The following STK10 variants were observed in gnomAD, a reference collection of about 807,000 sequenced individuals.
STK10 encodes the protein serine/threonine kinase 10.
Under a neutral mutation model 113.8 loss-of-function variants are expected in STK10, and 78 were observed. The ratio of observed to expected loss-of-function variants is 0.69; its 90% confidence interval spans 0.57 to 0.83. The LOEUF (loss-of-function observed/expected upper bound fraction) is 0.83, where lower values mean the gene tolerates loss of function less well. STK10 is among the 40% of genes least tolerant of loss of function. The pLI, the probability that STK10 is intolerant of heterozygous loss-of-function variation, is 0.00. For missense variants in STK10, 1,109 were observed against 1,280.1 expected (o/e 0.87, Z 2.04); for synonymous variants, 465 against 494.7 (o/e 0.94, Z 0.80).
rs905707824 is a variant in STK10, at chr5:172,044,492, A to T, written c.*390T>A. 4.7e-6 allele frequency: 1 copy of T among 210,816 alleles called. No individual in the cohort carries two copies. Among genetic ancestry groups the T allele is most frequent in the Admixed American group, 5.3e-5 (1 of 18,760 alleles). 13.1% of individuals were successfully genotyped at this position (210,816 alleles called of 1,614,324 possible). On this transcript the variant is annotated 3_prime_UTR_variant, in exon 19 of 19. Coordinates refer to ENST00000176763, the MANE Select transcript of STK10 (RefSeq NM_005990.4). The surrounding 1 kb of genome is among the most constrained non-coding windows in gnomAD (Gnocchi z 4.5). ...TTCCAGCCCGGATGAGCCCACGGGG[A>T]CTTCATCAGCAGTGCTTTGTCCCAC...
chr5:172,147,827 A>ACTCT (rs952614916), intron 2 of STK10, among the ~76,000 whole-genome samples: 3 of 151,870 alleles, frequency 2.0e-5, no homozygotes, highest in Non-Finnish European at 2.9e-5. Flanking sequence ...AAAGAGAGAG[A>ACTCT]CTCTGTTTCC....
rs563240656 is a variant in STK10 at position 172,148,786 on chromosome 5, A to T, written c.321+7838T>A. ...CAGGGGGCAGGAGAGAAGGCTTTGG[A>T]GCTAGGCAGACCTGGGCTGGAGCCT... On this transcript the variant is annotated intron_variant, in intron 2 of 18. Transcript: ENST00000176763. 2.6e-5 allele frequency among the ~76,000 whole-genome samples: 4 copies of T among 152,356 alleles called. No individual in the cohort carries two copies. The South Asian group carries it at 6.2e-4, about 24-fold the overall frequency.
At chr5:172,150,493 A>G (rs10042341) in intron 2 of STK10, among the ~76,000 whole-genome samples, 7 of 152,002 alleles carry the variant, frequency 4.6e-5, no homozygotes, top group Admixed American at 2.0e-4. Context: ...AAAAAAAAAA[A>G]AAAGAAAGAA....
At chr5:172,183,438 T>C (rs1770897405) in intron 1 of STK10, among the ~76,000 whole-genome samples, 1 of 151,394 alleles carries the variant, frequency 6.6e-6, no homozygotes. Flanking sequence ...TTTGAAACCA[T>C]ATAGCTTGTA....
intron 5 of STK10, 97 bp downstream of exon 5, chr5:172,107,683 C>T: frequency 1.2e-6 from 1 of 842,926 alleles, no homozygotes; most frequent in East Asian, 2.9e-5. Context: ...GCGTGTAGCC[C>T]TTGTCTTCCG....
In STK10 at chr5:172,107,767, C is replaced by A. The variant is rs1769148299; in HGVS notation, c.593+13G>T. On this transcript the variant is annotated intron_variant, in intron 5 of 18. Transcript: ENST00000176763. Reference sequence around the variant, plus strand: ...ATCCAGTCCATTCCATTTCCAGAAGCTACACGACTCACCAGTAAGGCGTGC... The same window carrying A: ...ATCCAGTCCATTCCATTTCCAGAAGATACACGACTCACCAGTAAGGCGTGC... 6.2e-7 allele frequency: 1 copy of A among 1,613,698 alleles called. No individual in the cohort carries two copies.
At chr5:172,107,917 G>C in intron 4 of STK10, 65 bp from the exon 5 acceptor site, 1 of 1,399,388 alleles carries the variant, frequency 7.1e-7, no homozygotes, top group South Asian at 1.2e-5. Flanking sequence ...CGGGGATGTG[G>C]ACTCAGGGGT....
rs569769036 is a variant in STK10, at chr5:172,086,321, A to G, written c.1686-3237T>C. On this transcript the variant is annotated intron_variant, in intron 10 of 18. Transcript: ENST00000176763. Reference sequence around the variant, plus strand: ...ACTGTCTGAGCCTCTGCTTTTCTGGAAAGTGGGAAGAGAGGAGGCAGGTTT... The same window carrying G: ...ACTGTCTGAGCCTCTGCTTTTCTGGGAAGTGGGAAGAGAGGAGGCAGGTTT... Among the ~76,000 whole-genome samples, 10 of 152,246 alleles carry G rather than the reference A, an allele frequency of 6.6e-5. 1 individual carries two copies. The South Asian group carries it at 1.0e-3, about 16-fold the overall frequency.
chr5:172,123,385 G>C (rs1403180828), intron 3 of STK10, among the ~76,000 whole-genome samples: 1 of 152,216 alleles, frequency 6.6e-6, no homozygotes, highest in Non-Finnish European at 1.5e-5. Context: ...TCAGGACCAC[G>C]AGGAGAACTG....
intron 18 of STK10, among the ~76,000 whole-genome samples, chr5:172,048,023 C>A (rs953577213): frequency 6.6e-6 from 1 of 151,880 alleles, no homozygotes; most frequent in Non-Finnish European, 1.5e-5. Flanking sequence ...CTGCCTCAGC[C>A]CCCCATGTAG....
At position 172,090,334 on chromosome 5, in the gene STK10, T is replaced by C. The variant is rs1164416290; in HGVS notation, c.1583A>G (p.Lys528Arg). 5.6e-6 allele frequency: 9 copies of C among 1,613,882 alleles called. No homozygotes were observed. The highest frequency in any genetic ancestry group is 7.6e-6 in the Non-Finnish European group (9 of 1,179,968). ...ATCCACCACAAATTTGCGTGTCCGC[T>C]TGAGGGTTTTTTTGTACAGTTTCGG... is the stretch of plus-strand genomic sequence containing the variant. ...KDPKLYKKTL[K>R]RTRKFVVDGV... Residue 528 changes from lysine to arginine, a missense_variant, in exon 10 of 19, where the codon AAG becomes AGG. Lys to Arg is a conservative substitution (Grantham distance 26). Around this residue, in one of 5 missense-constraint regions of STK10, gnomAD observed 885 missense variants for 991.1 expected, o/e 0.89. Coordinates refer to ENST00000176763, the MANE Select transcript of STK10 (RefSeq NM_005990.4).
In STK10 at chr5:172,105,675, C is replaced by G. The variant is rs202191993; in HGVS notation, c.851G>C (p.Ser284Thr). 134 of 1,613,868 alleles carry G rather than the reference C, an allele frequency of 8.3e-5. No individual in the cohort carries two copies. Among genetic ancestry groups the G allele is most frequent in the Non-Finnish European group, 1.1e-4 (128 of 1,180,010 alleles). The change falls in exon 7 of 19, where the codon AGT (serine) becomes ACT (threonine). Residue 284 changes from serine (S) to threonine (T), a missense_variant. Ser to Thr is a moderately conservative substitution (Grantham distance 58, BLOSUM62 1). Coordinates refer to ENST00000176763, the MANE Select transcript of STK10 (RefSeq NM_005990.4). ...ALDKNPETRP[S>T]AAQLLEHPFV... ...ACTCACCTCCAGCAGCTGCGCGGCA[C>G]TGGGTCGGGTTTCTGGGTTCTTATC... is the stretch of plus-strand genomic sequence containing the variant.
At chr5:172,122,542 A>G (rs1299602950) in intron 3 of STK10, among the ~76,000 whole-genome samples, 1 of 152,226 alleles carries the variant, frequency 6.6e-6, no homozygotes, top group Non-Finnish European at 1.5e-5. Context: ...ACAACATTGC[A>G]AAGTCCCCGT....
chr5:172,100,515 G>A (rs1768964216), intron 7 of STK10, among the ~76,000 whole-genome samples: 8 of 152,178 alleles, frequency 5.3e-5, no homozygotes. Context: ...GGCCAGGCAT[G>A]GTGGCTCACA....
rs1561801946 is a variant in STK10 at position 172,087,629 on chromosome 5, T to TA, written c.1685+2602_1685+2603insT. Among the ~76,000 whole-genome samples the TA allele has an allele frequency of 1.8e-3, 174 of 99,122 alleles. 17 individuals are homozygous for TA. Among genetic ancestry groups the TA allele is most frequent in the African/African-American group, 6.3e-3 (126 of 19,918 alleles). The allele number at this position is 99,122 out of a possible 152,430, so 65.0% of individuals were successfully genotyped here. On this transcript the variant is annotated intron_variant, in intron 10 of 18. Transcript: ENST00000176763. ...TAAATTTATTTACTTATTTATTTTT[T>TA]TTTTTTTTTTGAGACGGAGTCTCGC...
rs1006853085 is a variant in STK10 at position 172,187,687 on chromosome 5, C to T, written c.156+200G>A. Among the ~76,000 whole-genome samples the T allele has an allele frequency of 6.6e-6, 1 of 152,164 alleles. No individual in the cohort carries two copies. Among genetic ancestry groups the T allele is most frequent in the Non-Finnish European group, 1.5e-5 (1 of 68,028 alleles). On this transcript the variant is annotated intron_variant, in intron 1 of 18. Transcript: ENST00000176763. This position sits in a 1 kb window ranked among gnomAD's most constrained non-coding sequence, Gnocchi z 4.6. ...GGGCGGCAACCGTGCCCGGAGGGGG[C>T]GCCCAGAGCGCAGGGACTCGGCCGG...
At position 172,187,552 on chromosome 5, in the gene STK10, G is replaced by A. The variant is rs1002037131; in HGVS notation, c.156+335C>T. On this transcript the variant is annotated intron_variant, in intron 1 of 18. Coordinates refer to ENST00000176763, the MANE Select transcript of STK10 (RefSeq NM_005990.4). This position sits in a 1 kb window ranked among gnomAD's most constrained non-coding sequence, Gnocchi z 4.6. ...ACGGAACGTCCCTGGAAGGTCCCTC[G>A]AGTGGCCCTCTCGGATGCTGAGGTC... Among the ~76,000 whole-genome samples, 1 of 152,144 alleles carries A rather than the reference G, an allele frequency of 6.6e-6. No individual in the cohort carries two copies. The highest frequency in any genetic ancestry group is 1.5e-5 in the Non-Finnish European group (1 of 68,022).
chr5:172,095,511 T>C lies in STK10; in HGVS notation c.1005+915A>G, dbSNP rs546643081. 3.9e-5 allele frequency among the ~76,000 whole-genome samples: 6 copies of C among 152,334 alleles called. No individual in the cohort carries two copies. The East Asian group carries it at 1.2e-3, about 29-fold the overall frequency. On this transcript the variant is annotated intron_variant, in intron 8 of 18. Coordinates refer to ENST00000176763, the MANE Select transcript of STK10 (RefSeq NM_005990.4). ...TTCACTGTATCGATCTCAGTTTTCCTGTCTGTAAGCTGGAGCTTGGTTACC... is the reference window on the plus strand; with the variant it reads ...TTCACTGTATCGATCTCAGTTTTCCCGTCTGTAAGCTGGAGCTTGGTTACC...
Position 172,044,878 on chromosome 5 carries a change from GT to G in STK10, c.*3del. On this transcript the variant is annotated 3_prime_UTR_variant, in exon 19 of 19. Coordinates refer to ENST00000176763, the MANE Select transcript of STK10 (RefSeq NM_005990.4). The surrounding 1 kb of genome is among the most constrained non-coding windows in gnomAD (Gnocchi z 4.5). The stretch of plus-strand genomic sequence containing the variant: ...AAGCTGCCAGCCACAGCCCCGGGCG[GT>G]TGTTAAGAAGCATCCGCAGAACTGT... 1 of 1,614,210 alleles carries G rather than the reference GT, an allele frequency of 6.2e-7. No individual in the cohort carries two copies. The highest frequency in any genetic ancestry group is 8.5e-7 in the Non-Finnish European group (1 of 1,180,054).
Sources: allele counts gnomAD v4.1 joint callset (sites outside exome capture counted in the v4.1 genomes callset), GRCh38; gene constraint gnomAD v4.1.1; regional missense constraint gnomAD v4.1.1; non-coding constraint Gnocchi (gnomAD v3.1); transcripts MANE v1.5; gene names NCBI Gene and HGNC (gene_info 2026-07-23, HGNC 2026-07-21).